The following ANK3 variants were observed in gnomAD, a reference collection of about 807,000 sequenced individuals.
ANK3 encodes ankyrin 3, also known as ankyrin-3.
Under a neutral mutation model 370.9 loss-of-function variants are expected in ANK3, and 57 were observed. The observed-to-expected ratio is 0.15, with a 90% CI of 0.12 to 0.19. The LOEUF is 0.19. ANK3 is among the 10% of genes least tolerant of loss of function. The pLI is 1.00. For synonymous variants in ANK3, 1,929 were observed against 1,946.3 expected, an observed-to-expected ratio of 0.99 and a Z score of 0.23; for missense variants, 4,439 against 5,302.1, an observed-to-expected ratio of 0.84 and a Z score of 5.06.
intron 28 of ANK3, among the ~76,000 whole-genome samples, chr10:60,103,402 C>T (rs1299640031): frequency 1.3e-5 from 2 of 152,192 alleles, no homozygotes; most frequent in East Asian, 1.9e-4. Flanking sequence ...ACCTCCTAAA[C>T]TGTGCTTATG....
intron 1 of ANK3, among the ~76,000 whole-genome samples, chr10:60,297,752 T>C (rs1256239979): frequency 6.6e-6 from 1 of 152,174 alleles, no homozygotes; most frequent in Non-Finnish European, 1.5e-5. Flanking sequence ...GTAGCATCTT[T>C]ATATTGTCAC....
chr10:60,292,667 G>A (rs1017337177), intron 1 of ANK3, among the ~76,000 whole-genome samples: 6 of 150,580 alleles, frequency 4.0e-5, no homozygotes, highest in Admixed American at 1.3e-4. Flanking sequence ...GAAGGCATGT[G>A]CTGAACAAAA....
chr10:60,707,124 C>T (rs1010454939), intron 1 of ANK3, among the ~76,000 whole-genome samples: 1 of 151,998 alleles, frequency 6.6e-6, no homozygotes, highest in African/African-American at 2.4e-5. Flanking sequence ...TTTTAAAAAA[C>T]CAACAATCGA....
chr10:60,357,420 C>T (rs762520923), intron 1 of ANK3, among the ~76,000 whole-genome samples: 2 of 152,158 alleles, frequency 1.3e-5, no homozygotes, highest in African/African-American at 4.8e-5. Flanking sequence ...CTTCCACTAT[C>T]GATCACCTCC....
chr10:60,573,809 G>A (rs955837469), intron 2 of ANK3, among the ~76,000 whole-genome samples: 2 of 152,192 alleles, frequency 1.3e-5, no homozygotes, highest in African/African-American at 2.4e-5. Context: ...GAAGTACAAA[G>A]TGAGAGTGGG....
chr10:60,393,995 G>T (rs2063164887), upstream of ANK3, among the ~76,000 whole-genome samples: 3 of 151,754 alleles, frequency 2.0e-5, no homozygotes, highest in South Asian at 6.3e-4. Flanking sequence ...CCTAATCCAG[G>T]TTCCTGGTAA....
chr10:60,642,637 T>TGGGGGGG (rs200229050), intron 1 of ANK3, among the ~76,000 whole-genome samples: 3 of 144,704 alleles, frequency 2.1e-5, no homozygotes, highest in Admixed American at 6.9e-5. Flanking sequence ...TGTTGTGGGG[T>TGGGGGGG]GGGGGGGCGA....
chr10:60,085,439 T>G (rs1376039638), intron 30 of ANK3, among the ~76,000 whole-genome samples, 186 bp from the exon 31 acceptor site: 1 of 152,166 alleles, frequency 6.6e-6, no homozygotes, highest in African/African-American at 2.4e-5. Flanking sequence ...CCAGGCTTAT[T>G]GTGATTTCCT....
intron 2 of ANK3, among the ~76,000 whole-genome samples, chr10:60,473,787 T>C (rs2074980732): frequency 6.6e-6 from 1 of 152,066 alleles, no homozygotes; most frequent in Non-Finnish European, 1.5e-5. Context: ...ATTACCCTTC[T>C]ATGAAAACAA....
chr10:60,465,032 G>T (rs1287814914), intron 2 of ANK3, among the ~76,000 whole-genome samples: 1 of 152,222 alleles, frequency 6.6e-6, no homozygotes, highest in African/African-American at 2.4e-5. Flanking sequence ...TTGGGAGGAC[G>T]AGGCAGGTGC....
chr10:60,073,540 T>A lies in ANK3; in HGVS notation c.7341A>T (p.Glu2447Asp). The change falls in exon 37 of 44, where the codon GAA (glutamate) becomes GAT (aspartate). Residue 2447 changes from glutamate (E) to aspartate (D), a missense_variant. Physicochemically the swap from Glu to Asp is conservative, Grantham distance 45 (BLOSUM62 2). Around this residue, in one of 13 missense-constraint regions of ANK3, gnomAD observed 1,601 missense variants for 1,731.7 expected, o/e 0.92. Coordinates refer to ENST00000280772, the MANE Select transcript of ANK3 (RefSeq NM_020987.5). ...TLKLLSQHSI[E>D]YHDDELSELR... ...GTTCTGACAACTCATCGTCATGGTA[T>A]TCTATTGAGTGTTGACTCAAAAGCT... 1.2e-6 allele frequency: 2 copies of A among 1,614,114 alleles called. No homozygotes were observed. The highest frequency in any genetic ancestry group is 1.7e-6 in the Non-Finnish European group (2 of 1,180,008).
chr10:60,327,002 C>T (rs1468973103), intron 1 of ANK3, among the ~76,000 whole-genome samples: 1 of 135,620 alleles, frequency 7.4e-6, no homozygotes, highest in Non-Finnish European at 1.5e-5. Flanking sequence ...CCTGGGCGAC[C>T]GAGACTCCGT....
chr10:60,224,339 T>C (rs4133130), intron 8 of ANK3, among the ~76,000 whole-genome samples: 57,441 of 152,000 alleles, frequency 0.38, 12,073 homozygotes, highest in East Asian at 0.5. Context: ...GATCTCATAT[T>C]TCATTTTAGT....
chr10:60,537,754 G>T (rs929108920), intron 2 of ANK3, among the ~76,000 whole-genome samples: 1 of 151,806 alleles, frequency 6.6e-6, no homozygotes, highest in South Asian at 2.1e-4. Flanking sequence ...ATTCATATTT[G>T]ATTTTCAAAA....
At chr10:60,093,985 T>C (rs1489316762) in intron 28 of ANK3, among the ~76,000 whole-genome samples, 1 of 152,132 alleles carries the variant, frequency 6.6e-6, no homozygotes. Context: ...TGACCTTCAA[T>C]GTACATTTTA....
At chr10:60,209,197 A>G (rs1378804612) in intron 9 of ANK3, among the ~76,000 whole-genome samples, 1 of 152,206 alleles carries the variant, frequency 6.6e-6, no homozygotes, top group Non-Finnish European at 1.5e-5. Flanking sequence ...TCTATCAATT[A>G]TTGTAACATA....
intron 1 of ANK3, among the ~76,000 whole-genome samples, chr10:60,678,041 C>T (rs2079149049): frequency 6.6e-6 from 1 of 152,114 alleles, no homozygotes; most frequent in African/African-American, 2.4e-5. Flanking sequence ...GGTGATTTTA[C>T]CCTCACAGAT....
At chr10:60,128,984 G>A (rs1250270609) in intron 25 of ANK3, among the ~76,000 whole-genome samples, 1 of 152,178 alleles carries the variant, frequency 6.6e-6, no homozygotes, top group Non-Finnish European at 1.5e-5. Context: ...AGAAATGAAA[G>A]CACCATGCTA....
intron 42 of ANK3, chr10:60,044,329 A>C (rs1459040077): frequency 6.1e-6 from 6 of 983,910 alleles, no homozygotes; most frequent in Non-Finnish European, 7.2e-6. Flanking sequence ...TTCACCAGGA[A>C]TGTTTTTTGC....
Sources: allele counts gnomAD v4.1 joint callset (sites outside exome capture counted in the v4.1 genomes callset), GRCh38; gene constraint gnomAD v4.1.1; regional missense constraint gnomAD v4.1.1; transcripts MANE v1.5; gene names NCBI Gene and HGNC (gene_info 2026-07-23, HGNC 2026-07-21).